TRIM62: variants seen among roughly 807,000 people sequenced by gnomAD.
TRIM62 encodes tripartite motif containing 62, also known as E3 ubiquitin-protein ligase TRIM62.
A neutral mutation model predicts 44.2 loss-of-function variants in TRIM62; 39 were observed. That is an observed-to-expected ratio of 0.88 (90% CI 0.68 to 1.15). The LOEUF (loss-of-function observed/expected upper bound fraction) is 1.15. Among genes scored for constraint, TRIM62 ranks in the 50% most tolerant of loss-of-function variants. The pLI is 0.00. For missense variants in TRIM62, 544 were observed against 665.5 expected (o/e 0.82, Z 2.01); for synonymous variants, 278 against 292.3 (o/e 0.95, Z 0.50).
Position 33,165,739 on chromosome 1 carries a change from A to C in TRIM62, c.409-173T>G. 6.6e-6 allele frequency: 3 copies of C among 452,452 alleles called. No homozygotes were observed. The highest frequency in any genetic ancestry group is 9.6e-5 in the South Asian group (2 of 20,856). The allele number at this position is 452,452 out of a possible 1,614,324, so 28.0% of individuals were successfully genotyped here. ...GTCCTGTAGAGTCTGTCTCCTAAAC[A>C]CCTCCAGAACCCGTCCGTATCTTTC... On this transcript the variant is annotated intron_variant, in intron 1 of 4. Coordinates refer to ENST00000291416, the MANE Select transcript of TRIM62 (RefSeq NM_018207.3). This position sits in a 1 kb window ranked among gnomAD's most constrained non-coding sequence, Gnocchi z 4.0.
At chr1:33,152,234 T>C (rs1432924635) in intron 4 of TRIM62, among the ~76,000 whole-genome samples, 1 of 152,188 alleles carries the variant, frequency 6.6e-6, no homozygotes, top group Admixed American at 6.5e-5. Context: ...TTTCACATCA[T>C]GCTCTTCCCA....
At chr1:33,168,594 G>A (rs966067764) in intron 1 of TRIM62, among the ~76,000 whole-genome samples, 4 of 152,182 alleles carry the variant, frequency 2.6e-5, no homozygotes, top group African/African-American at 9.7e-5. Flanking sequence ...AGAGAGAAAC[G>A]CACCCCATCT....
intron 2 of TRIM62, among the ~76,000 whole-genome samples, chr1:33,160,820 G>T (rs1645256229): frequency 6.6e-6 from 1 of 152,214 alleles, no homozygotes; most frequent in Admixed American, 6.5e-5. Context: ...AGAAAACCTT[G>T]GTGGTTACTC....
In TRIM62 at chr1:33,165,176, C is replaced by T. The variant is rs148459501; in HGVS notation, c.504+295G>A. The T allele has an allele frequency of 1.9e-4, 56 of 295,942 alleles. No homozygotes were observed. The highest frequency in any genetic ancestry group is 1.1e-3 in the African/African-American group (52 of 45,596). The allele number at this position is 295,942 out of a possible 1,614,324, so 18.3% of individuals were successfully genotyped here. A position where few individuals can be genotyped will look rare whatever the true frequency, so the allele number is the denominator to read the frequency against. On this transcript the variant is annotated intron_variant, in intron 2 of 4. Transcript: ENST00000291416. The surrounding 1 kb of genome is among the most constrained non-coding windows in gnomAD (Gnocchi z 4.0). The stretch of plus-strand genomic sequence containing the variant: ...GAGGCAGGGGGTTTCCGGAGGGTCC[C>T]GGGACCCGCCTCAACTTCCACCCAA...
chr1:33,149,840 C>T (rs1318561175), intron 4 of TRIM62, among the ~76,000 whole-genome samples: 1 of 152,158 alleles, frequency 6.6e-6, no homozygotes, highest in African/African-American at 2.4e-5. Flanking sequence ...TCCCCATTTG[C>T]ACCAAGAGGG....
intron 1 of TRIM62, among the ~76,000 whole-genome samples, chr1:33,170,803 C>T (rs1389069467): frequency 6.6e-6 from 1 of 152,198 alleles, no homozygotes; most frequent in Non-Finnish European, 1.5e-5. Flanking sequence ...TGTCACCTAA[C>T]CTCTCTGTGC....
intron 1 of TRIM62, among the ~76,000 whole-genome samples, chr1:33,169,909 C>A (rs941625306): frequency 6.6e-6 from 1 of 152,164 alleles, no homozygotes. Flanking sequence ...ACACATCTCT[C>A]AAGACCCAGA....
At chr1:33,174,696 T>G (rs1211098427) in intron 1 of TRIM62, among the ~76,000 whole-genome samples, 1 of 152,140 alleles carries the variant, frequency 6.6e-6, no homozygotes, top group Non-Finnish European at 1.5e-5. Flanking sequence ...ACATCTTTCT[T>G]TCTGCTCCCT....
Position 33,146,965 on chromosome 1 carries a change from TC to T in TRIM62, c.*211del. Reference sequence around the variant, plus strand: ...TCCTTGGATCAAAGCTGTATCCCTATCAAGGTCAGAGCTACAGAACATCGAT... The same window carrying T: ...TCCTTGGATCAAAGCTGTATCCCTATAAGGTCAGAGCTACAGAACATCGAT... On this transcript the variant is annotated 3_prime_UTR_variant, in exon 5 of 5. Coordinates refer to ENST00000291416, the MANE Select transcript of TRIM62 (RefSeq NM_018207.3). The T allele has an allele frequency of 1.7e-6, 1 of 601,178 alleles. No individual in the cohort carries two copies. The highest frequency in any genetic ancestry group is 2.9e-6 in the Non-Finnish European group (1 of 341,668). 37.2% of individuals were successfully genotyped at this position (601,178 alleles called of 1,614,324 possible).
intron 4 of TRIM62, among the ~76,000 whole-genome samples, chr1:33,157,951 T>A (rs1033222615): frequency 2.6e-5 from 4 of 152,084 alleles, no homozygotes; most frequent in Non-Finnish European, 5.9e-5. Flanking sequence ...GAGACAGGGT[T>A]TCACCATGTT....
At chr1:33,178,786 G>A (rs775714816) in intron 1 of TRIM62, among the ~76,000 whole-genome samples, 2 of 152,204 alleles carry the variant, frequency 1.3e-5, no homozygotes, top group Non-Finnish European at 2.9e-5. Flanking sequence ...TGGCAGTCCT[G>A]TTTTACTTTT....
At position 33,167,343 on chromosome 1, in the gene TRIM62, G is replaced by A. The variant is rs1156931521; in HGVS notation, c.409-1777C>T. 1.3e-5 allele frequency among the ~76,000 whole-genome samples: 2 copies of A among 152,184 alleles called. No individual in the cohort carries two copies. The highest frequency in any genetic ancestry group is 2.9e-5 in the Non-Finnish European group (2 of 68,038). ...ATGAGAGTAGTAGGAATCTTGTCTGGCTTGTTCCCTGCCTTATGCCCAGGG... is the reference window on the plus strand; with the variant it reads ...ATGAGAGTAGTAGGAATCTTGTCTGACTTGTTCCCTGCCTTATGCCCAGGG... On this transcript the variant is annotated intron_variant, in intron 1 of 4. Coordinates refer to ENST00000291416, the MANE Select transcript of TRIM62 (RefSeq NM_018207.3). The surrounding 1 kb of genome is among the most constrained non-coding windows in gnomAD (Gnocchi z 4.2).
At chr1:33,173,692 T>C (rs1387469218) in intron 1 of TRIM62, among the ~76,000 whole-genome samples, 11 of 131,242 alleles carry the variant, frequency 8.4e-5, no homozygotes, top group African/African-American at 2.0e-4. Flanking sequence ...TTTTTTTTTT[T>C]CCCTAATTAA....
chr1:33,166,763 T>A (rs538313472), intron 1 of TRIM62, among the ~76,000 whole-genome samples: 1 of 152,250 alleles, frequency 6.6e-6, no homozygotes, highest in South Asian at 2.1e-4. Flanking sequence ...ACACAAGATA[T>A]CAAAATTTTA....
Position 33,161,343 on chromosome 1 carries a change from G to C in TRIM62, c.505-1399C>G, listed in dbSNP as rs1366391713. Among the ~76,000 whole-genome samples, 1 of 152,156 alleles carries C rather than the reference G, an allele frequency of 6.6e-6. No individual in the cohort carries two copies. Among genetic ancestry groups the C allele is most frequent in the African/African-American group, 2.4e-5 (1 of 41,442 alleles). The stretch of plus-strand genomic sequence containing the variant: ...TAACGTCAGGACGACACGGGCTATA[G>C]AAGTGCGGCCAGGCTGCAGCAGCAT... On this transcript the variant is annotated intron_variant, in intron 2 of 4. Transcript: ENST00000291416. The surrounding 1 kb of genome is among the most constrained non-coding windows in gnomAD (Gnocchi z 4.3).
Position 33,146,079 on chromosome 1 carries a change from G to A in TRIM62, c.*1098C>T. 1 of 350,342 alleles carries A rather than the reference G, an allele frequency of 2.9e-6. No individual in the cohort carries two copies. The highest frequency in any genetic ancestry group is 8.0e-5 in the East Asian group (1 of 12,502). 21.7% of individuals were successfully genotyped at this position (350,342 alleles called of 1,614,324 possible). On this transcript the variant is annotated 3_prime_UTR_variant, in exon 5 of 5. Coordinates refer to ENST00000291416, the MANE Select transcript of TRIM62 (RefSeq NM_018207.3). ...GCATAGTGGCTTCCTGCAGATGGGG[G>A]CAGCTTTCCTGGTCACAACAGACAT...
rs867308816 is a variant in TRIM62, at chr1:33,147,761, G to C, written c.878-34C>G. On this transcript the variant is annotated intron_variant, in intron 4 of 4. Transcript: ENST00000291416. This position sits in a 1 kb window ranked among gnomAD's most constrained non-coding sequence, Gnocchi z 8.1. ...GTTGGAGGAGGGAGAGAAGATGAGT[G>C]GGGAGAAGGCTGTGGACCCACCATG... 1.3e-6 allele frequency: 2 copies of C among 1,590,984 alleles called. No homozygotes were observed.
intron 1 of TRIM62, among the ~76,000 whole-genome samples, chr1:33,170,709 T>C (rs1645367358): frequency 6.6e-6 from 1 of 152,188 alleles, no homozygotes; most frequent in Non-Finnish European, 1.5e-5. Context: ...CTGCCTGAGC[T>C]GTGTCACCCC....
At chr1:33,149,458 T>TAA (rs71278764) in intron 4 of TRIM62, among the ~76,000 whole-genome samples, 96 of 146,724 alleles carry the variant, frequency 6.5e-4, no homozygotes, top group African/African-American at 2.3e-3. Context: ...TGGATTCTTT[T>TAA]AAAAAAAAAA....
Sources: gnomAD v4.1 joint callset for allele counts (sites outside exome capture counted in the v4.1 genomes callset) on GRCh38, gnomAD v4.1.1 for gene constraint, Gnocchi (gnomAD v3.1) non-coding constraint, MANE v1.5 for transcripts, NCBI Gene and HGNC (gene_info 2026-07-23, HGNC 2026-07-21) for gene names.